The following NBEA variants were observed in gnomAD, a reference collection of about 807,000 sequenced individuals.
The protein encoded by NBEA is lysosomal-trafficking regulator 2.
Under a neutral mutation model 343.4 loss-of-function variants are expected in NBEA, and 44 were observed. That is an observed-to-expected ratio of 0.13 (90% confidence interval 0.10 to 0.16). The LOEUF (loss-of-function observed/expected upper bound fraction) is 0.16, where lower values mean the gene tolerates loss of function less well. NBEA is among the 10% of genes least tolerant of loss of function. The probability of loss-of-function intolerance (pLI) is 1.00; values close to 1 mark genes in which losing one functional copy is unlikely to be tolerated. For missense variants in NBEA, 2,555 were observed against 3,631.3 expected, an observed-to-expected ratio of 0.70 and a Z score of 7.62; for synonymous variants, 1,175 against 1,238.7, an observed-to-expected ratio of 0.95 and a Z score of 1.08.
At chr13:35,531,701 T>G (rs1220381969) in intron 41 of NBEA, among the ~76,000 whole-genome samples, 1 of 152,140 alleles carries the variant, frequency 6.6e-6, no homozygotes, top group African/African-American at 2.4e-5. Flanking sequence ...AGATAGAGCA[T>G]TTCAATATAA....
At chr13:35,209,380 T>C (rs1312114260) in intron 32 of NBEA, among the ~76,000 whole-genome samples, 1 of 152,174 alleles carries the variant, frequency 6.6e-6, no homozygotes, top group Non-Finnish European at 1.5e-5. Context: ...TTGTTTGACG[T>C]TGAATTAATT....
chr13:35,604,422 C>T (rs1191751249), intron 47 of NBEA, among the ~76,000 whole-genome samples: 1 of 152,048 alleles, frequency 6.6e-6, no homozygotes. Context: ...AATTCCCTCT[C>T]TTTAGCTCTG....
intron 17 of NBEA, among the ~76,000 whole-genome samples, chr13:35,139,885 C>A (rs1441655389): frequency 1.3e-5 from 2 of 151,196 alleles, no homozygotes; most frequent in African/African-American, 4.9e-5. Flanking sequence ...TTCAAGTTTC[C>A]CCCGAACCTA....
At chr13:35,323,081 A>G (rs1224581990) in intron 36 of NBEA, among the ~76,000 whole-genome samples, 2 of 151,966 alleles carry the variant, frequency 1.3e-5, no homozygotes, top group African/African-American at 2.4e-5. Flanking sequence ...AACTCCTGAA[A>G]TTAAGTGATC....
rs558901340 is a variant in NBEA at position 35,475,273 on chromosome 13, G to A, written c.6585+2737G>A. The A allele has an allele frequency of 8.7e-6, 14 of 1,613,902 alleles. No homozygotes were observed. In the East Asian group the frequency reaches 1.1e-4, roughly 13 times the overall value. ...ACCCAGGCAAGACTCGTCCCAGTCC[G>A]ACTCTCGGGGATGCTTTTCACACTC... On this transcript the variant is annotated intron_variant, in intron 41 of 58. Coordinates refer to ENST00000379939, the MANE Select transcript of NBEA (RefSeq NM_001385012.1).
intron 29 of NBEA, 96 bp from the exon 30 acceptor site, chr13:35,183,880 T>C (rs1157866993): frequency 1.6e-5 from 12 of 729,902 alleles, no homozygotes; most frequent in East Asian, 2.8e-5. Context: ...ATTGTTTGCA[T>C]GTTGCAGTAA....
At chr13:35,461,864 A>G (rs2046924595) in intron 40 of NBEA, among the ~76,000 whole-genome samples, 1 of 152,246 alleles carries the variant, frequency 6.6e-6, no homozygotes, top group Admixed American at 6.5e-5. Context: ...CAGAGCCAGA[A>G]TAGCAGCTAT....
At chr13:34,980,456 A>G (rs1392094897) in intron 1 of NBEA, among the ~76,000 whole-genome samples, 1 of 1,062 alleles carries the variant, frequency 9.4e-4, no homozygotes, top group Non-Finnish European at 1.8e-3. Flanking sequence ...TATTACATTT[A>G]TTTATTTATT....
chr13:35,507,953 T>C (rs1277145265), intron 41 of NBEA, among the ~76,000 whole-genome samples: 2 of 152,196 alleles, frequency 1.3e-5, no homozygotes, highest in African/African-American at 4.8e-5. Context: ...TTTATATTAA[T>C]TGCTGCTAGA....
At chr13:35,425,540 A>T (rs1457447470) in intron 38 of NBEA, among the ~76,000 whole-genome samples, 2 of 152,120 alleles carry the variant, frequency 1.3e-5, no homozygotes, top group African/African-American at 4.8e-5. Flanking sequence ...GTTCTTTTAC[A>T]TTTGCTGAGG....
intron 51 of NBEA, among the ~76,000 whole-genome samples, chr13:35,648,227 G>T (rs2084343309): frequency 8.3e-6 from 1 of 121,208 alleles, no homozygotes; most frequent in Non-Finnish European, 1.6e-5. Flanking sequence ...CAACAGCTCA[G>T]CCAAACAGCT....
chr13:35,081,256 C>G (rs1438397360), intron 10 of NBEA, among the ~76,000 whole-genome samples: 3 of 151,894 alleles, frequency 2.0e-5, no homozygotes, highest in African/African-American at 4.8e-5. Context: ...CAAATCCTAG[C>G]TATTTATTAT....
At position 35,646,463 on chromosome 13, in the gene NBEA, A is replaced by G. The variant is rs2084239129; in HGVS notation, c.7770+115A>G. 6.6e-6 allele frequency: 5 copies of G among 757,016 alleles called. No individual in the cohort carries two copies. In the East Asian group the frequency reaches 1.3e-4, roughly 20 times the overall value. The allele number at this position is 757,016 out of a possible 1,614,324, so 46.9% of individuals were successfully genotyped here. On this transcript the variant is annotated intron_variant, in intron 51 of 58. Transcript: ENST00000379939. The stretch of plus-strand genomic sequence containing the variant: ...TAAAAGGCTTCTCGATTTATTGGTT[A>G]ACTCTTCAGCCTAAGTACAAACTAA...
intron 17 of NBEA, among the ~76,000 whole-genome samples, chr13:35,140,366 A>G (rs1030434528): frequency 1.3e-5 from 2 of 152,086 alleles, no homozygotes; most frequent in Non-Finnish European, 1.5e-5. Flanking sequence ...GCAGAGATCT[A>G]TTTCAAGGCC....
intron 18 of NBEA, among the ~76,000 whole-genome samples, chr13:35,153,101 C>T (rs1402213865): frequency 1.4e-5 from 2 of 143,566 alleles, no homozygotes; most frequent in Admixed American, 7.2e-5. Context: ...GGCGTGATCT[C>T]GGCTCACTGC....
intron 38 of NBEA, among the ~76,000 whole-genome samples, chr13:35,372,222 C>G (rs937949555): frequency 6.6e-6 from 1 of 152,150 alleles, no homozygotes; most frequent in Non-Finnish European, 1.5e-5. Context: ...CAGGACAACC[C>G]TCCGGCTCCC....
chr13:35,106,828 C>A (rs1158647750), intron 11 of NBEA, among the ~76,000 whole-genome samples: 1 of 151,526 alleles, frequency 6.6e-6, no homozygotes, highest in African/African-American at 2.4e-5. Flanking sequence ...CTTTTAATAT[C>A]ATGGTCCAAG....
intron 17 of NBEA, among the ~76,000 whole-genome samples, chr13:35,130,845 T>G (rs1009129860): frequency 5.3e-5 from 8 of 151,974 alleles, no homozygotes; most frequent in Middle Eastern, 3.2e-3. Context: ...TGACAAAAAT[T>G]AAACTTAGAA....
At chr13:35,456,904 T>C (rs1413125524) in intron 40 of NBEA, among the ~76,000 whole-genome samples, 1 of 151,792 alleles carries the variant, frequency 6.6e-6, no homozygotes. Flanking sequence ...TTGTTAACAG[T>C]TCTGTAAATT....
Sources: gnomAD v4.1 joint callset for allele counts (sites outside exome capture counted in the v4.1 genomes callset) on GRCh38, gnomAD v4.1.1 for gene constraint, MANE v1.5 for transcripts, NCBI Gene and HGNC (gene_info 2026-07-23, HGNC 2026-07-21) for gene names.